KCNQ5: variants seen among roughly 807,000 people sequenced by gnomAD.
KCNQ5 encodes potassium voltage-gated channel subfamily Q member 5.
KCNQ5 carries 30 observed loss-of-function variants against 98.2 expected under a neutral mutation model. The observed-to-expected ratio is 0.31, with a 90% CI of 0.23 to 0.41. The LOEUF is 0.41. KCNQ5 is among the 10% of genes least tolerant of loss of function. KCNQ5 has a pLI of 1.00. For missense variants in KCNQ5, 835 were observed against 1,182.5 expected, an observed-to-expected ratio of 0.71 and a Z score of 4.31; for synonymous variants, 458 against 449.4, an observed-to-expected ratio of 1.02 and a Z score of -0.24.
intron 1 of KCNQ5, among the ~76,000 whole-genome samples, chr6:72,969,848 G>A (rs752832958): frequency 3.3e-5 from 5 of 152,164 alleles, no homozygotes; most frequent in Non-Finnish European, 7.3e-5. Flanking sequence ...AGGAATTCAG[G>A]TACTTAAGAG....
chr6:72,936,019 GCTATGT>G (rs1230367573), intron 1 of KCNQ5, among the ~76,000 whole-genome samples: 4 of 152,160 alleles, frequency 2.6e-5, no homozygotes, highest in Non-Finnish European at 4.4e-5. Context: ...CTCAGTCAAT[GCTATGT>G]CTTCAAATCC....
intron 1 of KCNQ5, among the ~76,000 whole-genome samples, chr6:72,771,233 G>A (rs1772858354): frequency 6.6e-6 from 1 of 152,036 alleles, no homozygotes; most frequent in Admixed American, 6.6e-5. Context: ...GTCTCAAAAA[G>A]TAAGTAGGCA....
intron 1 of KCNQ5, among the ~76,000 whole-genome samples, chr6:72,910,331 T>A (rs1581999953): frequency 6.6e-6 from 1 of 152,176 alleles, no homozygotes; most frequent in Non-Finnish European, 1.5e-5. Flanking sequence ...GGAAATAAAA[T>A]GATACAGTTT....
intron 5 of KCNQ5, among the ~76,000 whole-genome samples, chr6:73,102,954 A>G (rs187420484): frequency 6.6e-6 from 1 of 152,348 alleles, no homozygotes; most frequent in Non-Finnish European, 1.5e-5. Context: ...ACTGCTAGGT[A>G]TATTCCCAAA....
chr6:73,038,604 A>G (rs1771548179), intron 2 of KCNQ5, among the ~76,000 whole-genome samples: 1 of 151,642 alleles, frequency 6.6e-6, no homozygotes, highest in Non-Finnish European at 1.5e-5. Flanking sequence ...GTCAAATGCT[A>G]TTTCTTCATC....
intron 1 of KCNQ5, among the ~76,000 whole-genome samples, chr6:72,926,568 A>C (rs961142731): frequency 1.3e-5 from 2 of 152,146 alleles, no homozygotes; most frequent in African/African-American, 4.8e-5. Context: ...CAACAACACT[A>C]ATATTCCTTA....
At chr6:73,123,902 C>T (rs1479860605) in intron 8 of KCNQ5, among the ~76,000 whole-genome samples, 3 of 152,164 alleles carry the variant, frequency 2.0e-5, no homozygotes, top group Non-Finnish European at 2.9e-5. Flanking sequence ...AGAGTACAGA[C>T]CCTACACCAT....
chr6:73,059,977 G>A (rs1351169224), intron 3 of KCNQ5, among the ~76,000 whole-genome samples: 1 of 151,966 alleles, frequency 6.6e-6, no homozygotes, highest in East Asian at 1.9e-4. Context: ...ATACTTTCCT[G>A]CTAAAAGATA....
intron 3 of KCNQ5, among the ~76,000 whole-genome samples, chr6:73,044,451 C>T (rs1396473471): frequency 6.6e-6 from 1 of 152,242 alleles, no homozygotes; most frequent in Middle Eastern, 3.4e-3. Flanking sequence ...TTTGTACTTA[C>T]AGTTAGGATA....
At chr6:72,830,137 T>C (rs1047825025) in intron 1 of KCNQ5, among the ~76,000 whole-genome samples, 7 of 152,012 alleles carry the variant, frequency 4.6e-5, no homozygotes, top group African/African-American at 1.7e-4. Context: ...AGAATCAATA[T>C]CGTGAAAATG....
chr6:72,763,809 G>A (rs960679654), intron 1 of KCNQ5, among the ~76,000 whole-genome samples: 1 of 151,940 alleles, frequency 6.6e-6, no homozygotes, highest in African/African-American at 2.4e-5. Context: ...GGGTAAACAT[G>A]AGCTGTTGTG....
chr6:72,769,555 C>T (rs1246990954), intron 1 of KCNQ5, among the ~76,000 whole-genome samples: 3 of 151,718 alleles, frequency 2.0e-5, no homozygotes, highest in Non-Finnish European at 4.4e-5. Flanking sequence ...AGCTCTGTAG[C>T]TGATTCCATG....
chr6:72,792,336 T>A (rs1387366559), intron 1 of KCNQ5, among the ~76,000 whole-genome samples: 2 of 152,160 alleles, frequency 1.3e-5, no homozygotes, highest in African/African-American at 4.8e-5. Context: ...TTTGGTAGGA[T>A]CTTGCTATAC....
At chr6:72,962,217 A>G (rs921018086) in intron 1 of KCNQ5, among the ~76,000 whole-genome samples, 1 of 140,388 alleles carries the variant, frequency 7.1e-6, no homozygotes, top group Admixed American at 7.3e-5. Flanking sequence ...ATATATATAT[A>G]CACACATATA....
intron 5 of KCNQ5, among the ~76,000 whole-genome samples, chr6:73,100,371 C>T (rs865773854): frequency 9.2e-5 from 14 of 151,958 alleles, no homozygotes; most frequent in African/African-American, 2.7e-4. Context: ...AAAGAAAATA[C>T]AAAAGATTAA....
chr6:72,924,471 C>T lies in KCNQ5; in HGVS notation c.399-79437C>T, dbSNP rs145122267. 3.5e-4 allele frequency among the ~76,000 whole-genome samples: 53 copies of T among 152,290 alleles called. No individual in the cohort carries two copies. In the East Asian group the frequency reaches 8.7e-3, roughly 25 times the overall value. On this transcript the variant is annotated intron_variant, in intron 1 of 13. Transcript: ENST00000370398. ...AGATAAAAGCGCCTCTTAAGTGGGT[C>T]GCCATCCGCATCCTAGTTGTGGGCA... is the stretch of plus-strand genomic sequence containing the variant.
At chr6:73,040,087 T>A (rs1771621536) in intron 2 of KCNQ5, among the ~76,000 whole-genome samples, 1 of 151,988 alleles carries the variant, frequency 6.6e-6, no homozygotes, top group South Asian at 2.1e-4. Flanking sequence ...AACTTGTAAA[T>A]GTACTTTATC....
In KCNQ5 at chr6:73,000,162, A is replaced by G. The variant is rs1363044837; in HGVS notation, c.399-3746A>G. Among the ~76,000 whole-genome samples the G allele has an allele frequency of 2.0e-5, 3 of 152,110 alleles. No individual in the cohort carries two copies. The East Asian group carries it at 5.8e-4, about 29-fold the overall frequency. On this transcript the variant is annotated intron_variant, in intron 1 of 13. Coordinates refer to ENST00000370398, the MANE Select transcript of KCNQ5 (RefSeq NM_019842.4). ...CATGCGCACAGGATCCTCAGAAGCA[A>G]TAGAGTCAGCAAAACCACACACACA...
At chr6:72,732,244 G>A (rs1770593584) in intron 1 of KCNQ5, among the ~76,000 whole-genome samples, 1 of 152,114 alleles carries the variant, frequency 6.6e-6, no homozygotes, top group Non-Finnish European at 1.5e-5. Flanking sequence ...ATCTGACAGA[G>A]GTGAGCTCAG....
Sources: gnomAD v4.1 joint callset for allele counts (sites outside exome capture counted in the v4.1 genomes callset) on GRCh38, gnomAD v4.1.1 for gene constraint, MANE v1.5 for transcripts, NCBI Gene and HGNC (gene_info 2026-07-23, HGNC 2026-07-21) for gene names.